The following ADAMTSL1 variants were observed in gnomAD, a reference collection of about 807,000 sequenced individuals.
ADAMTSL1 encodes the protein ADAMTS like 1.
A neutral mutation model predicts 201.8 loss-of-function variants in ADAMTSL1; 126 were observed. The observed-to-expected ratio is 0.62, with a 90% CI of 0.54 to 0.72. The LOEUF (loss-of-function observed/expected upper bound fraction) is 0.72, where lower values mean the gene tolerates loss of function less well. Among genes scored for constraint, ADAMTSL1 ranks in the 30% least tolerant of loss-of-function variants. The pLI is 0.00. For synonymous variants in ADAMTSL1, 1,121 were observed against 903.4 expected, an observed-to-expected ratio of 1.24 and a Z score of -4.32; for missense variants, 2,679 against 2,277.8, an observed-to-expected ratio of 1.18 and a Z score of -3.59.
intron 1 of ADAMTSL1, among the ~76,000 whole-genome samples, chr9:17,963,515 C>T (rs757757768): frequency 3.3e-5 from 5 of 152,032 alleles, no homozygotes; most frequent in Admixed American, 2.6e-4. Flanking sequence ...AACAGTATTC[C>T]GTATGAAAAA....
chr9:18,302,595 C>G (rs902335391), intron 2 of ADAMTSL1, among the ~76,000 whole-genome samples: 2 of 152,116 alleles, frequency 1.3e-5, no homozygotes, highest in African/African-American at 4.8e-5. Context: ...AGTGAGTACT[C>G]TATAAATACA....
intron 23 of ADAMTSL1, among the ~76,000 whole-genome samples, chr9:18,840,939 G>T (rs1825676045): frequency 6.9e-6 from 1 of 145,714 alleles, no homozygotes; most frequent in Admixed American, 6.9e-5. Context: ...ATTTTGGGCT[G>T]AGACAATGGG....
intron 2 of ADAMTSL1, among the ~76,000 whole-genome samples, chr9:18,368,030 G>C (rs985878101): frequency 2.6e-5 from 4 of 151,830 alleles, no homozygotes; most frequent in Non-Finnish European, 1.5e-5. Flanking sequence ...CCCCTGAGTA[G>C]CTGGGACTAC....
chr9:18,426,299 T>C (rs1197918898), intron 2 of ADAMTSL1, among the ~76,000 whole-genome samples: 2 of 152,176 alleles, frequency 1.3e-5, no homozygotes, highest in Non-Finnish European at 2.9e-5. Flanking sequence ...AAGACAGCTT[T>C]ATAGGAAGAA....
intron 1 of ADAMTSL1, among the ~76,000 whole-genome samples, chr9:17,951,850 C>G (rs1827740176): frequency 6.6e-6 from 1 of 152,048 alleles, no homozygotes; most frequent in Non-Finnish European, 1.5e-5. Flanking sequence ...CAGGGTGTCA[C>G]TCTGTCACTG....
intron 1 of ADAMTSL1, among the ~76,000 whole-genome samples, chr9:18,153,706 G>T (rs866629288): frequency 5.3e-5 from 8 of 151,980 alleles, no homozygotes; most frequent in Middle Eastern, 3.2e-3. Flanking sequence ...AAGTCATTAC[G>T]CTTAGAATTA....
rs936804520 is a variant in ADAMTSL1, at chr9:18,657,781, T to C, written c.946+31T>C. Reference sequence around the variant, plus strand: ...GGTGTTCACTTAGTCTAAAAACTGTTGGCTTCTGTGAGGAAATACTTGGGT... The same window carrying C: ...GGTGTTCACTTAGTCTAAAAACTGTCGGCTTCTGTGAGGAAATACTTGGGT... On this transcript the variant is annotated intron_variant, in intron 8 of 28. Coordinates refer to ENST00000380548, the MANE Select transcript of ADAMTSL1 (RefSeq NM_001040272.6). The C allele has an allele frequency of 8.3e-6, 13 of 1,566,348 alleles. 1 individual carries two copies. The African/African-American group carries it at 1.1e-4, about 13-fold the overall frequency.
At chr9:18,029,646 C>T (rs1820853124) in intron 1 of ADAMTSL1, among the ~76,000 whole-genome samples, 1 of 151,722 alleles carries the variant, frequency 6.6e-6, no homozygotes, top group African/African-American at 2.4e-5. Flanking sequence ...GCAACCTACT[C>T]ATCTGACAAA....
At chr9:18,402,340 T>C (rs1001651734) in intron 2 of ADAMTSL1, among the ~76,000 whole-genome samples, 1 of 152,192 alleles carries the variant, frequency 6.6e-6, no homozygotes, top group African/African-American at 2.4e-5. Flanking sequence ...CTCAAATCCA[T>C]CCATTTCTCT....
At chr9:18,750,515 C>T (rs1181824289) in intron 15 of ADAMTSL1, among the ~76,000 whole-genome samples, 1 of 152,130 alleles carries the variant, frequency 6.6e-6, no homozygotes, top group African/African-American at 2.4e-5. Context: ...TTTATTCATT[C>T]ATGTGCTGAT....
intron 4 of ADAMTSL1, among the ~76,000 whole-genome samples, chr9:18,584,572 A>C (rs1823356102): frequency 1.3e-5 from 2 of 152,154 alleles, no homozygotes; most frequent in African/African-American, 4.8e-5. Context: ...TATCCAATTA[A>C]ATGTTCATCA....
At chr9:17,954,219 T>C (rs899129739) in intron 1 of ADAMTSL1, among the ~76,000 whole-genome samples, 4 of 152,202 alleles carry the variant, frequency 2.6e-5, no homozygotes, top group Admixed American at 6.5e-5. Flanking sequence ...TGGCTTCTCC[T>C]AGAGTAAGCA....
At chr9:18,170,675 T>C (rs1047462908) in intron 2 of ADAMTSL1, among the ~76,000 whole-genome samples, 3 of 152,034 alleles carry the variant, frequency 2.0e-5, no homozygotes, top group Non-Finnish European at 4.4e-5. Context: ...AAAGCCTGGA[T>C]TGTTTTAAAT....
intron 1 of ADAMTSL1, among the ~76,000 whole-genome samples, chr9:17,988,914 AT>A (rs34662651): frequency 5.9e-5 from 9 of 151,668 alleles, no homozygotes; most frequent in East Asian, 1.9e-4. Context: ...ATTTTTAGGC[AT>A]TTTTTCCCCC....
intron 3 of ADAMTSL1, among the ~76,000 whole-genome samples, chr9:18,556,721 G>T (rs1821129416): frequency 6.6e-6 from 1 of 151,976 alleles, no homozygotes; most frequent in African/African-American, 2.4e-5. Flanking sequence ...GTTGAATGTT[G>T]TCATCCATTA....
chr9:18,710,910 A>T (rs1013461311), intron 14 of ADAMTSL1, among the ~76,000 whole-genome samples: 4 of 152,068 alleles, frequency 2.6e-5, no homozygotes, highest in African/African-American at 9.7e-5. Flanking sequence ...TATGATTAAA[A>T]TTACTTCCCA....
chr9:18,643,884 A>C (rs1827606895), intron 7 of ADAMTSL1, among the ~76,000 whole-genome samples: 1 of 151,468 alleles, frequency 6.6e-6, no homozygotes, highest in Non-Finnish European at 1.5e-5. Flanking sequence ...GTTCCATTTG[A>C]ATTTTAGGGT....
At chr9:18,313,543 CT>C (rs1834235570) in intron 2 of ADAMTSL1, among the ~76,000 whole-genome samples, 1 of 152,154 alleles carries the variant, frequency 6.6e-6, no homozygotes, top group South Asian at 2.1e-4. Flanking sequence ...GCATCTGTCT[CT>C]TTTTAAAAGC....
chr9:17,959,388 C>G (rs940420929), intron 1 of ADAMTSL1, among the ~76,000 whole-genome samples: 8 of 152,254 alleles, frequency 5.3e-5, no homozygotes, highest in African/African-American at 1.9e-4. Flanking sequence ...TTCCTCTACC[C>G]ACAGCTTTAC....
Sources: gnomAD v4.1 joint callset for allele counts (sites outside exome capture counted in the v4.1 genomes callset) on GRCh38, gnomAD v4.1.1 for gene constraint, MANE v1.5 for transcripts, NCBI Gene and HGNC (gene_info 2026-07-23, HGNC 2026-07-21) for gene names.